The following COG8 variants were observed in gnomAD, a reference collection of about 807,000 sequenced individuals.
COG8 encodes the protein component of oligomeric golgi complex 8.
Under a neutral mutation model 46.5 loss-of-function variants are expected in COG8, and 45 were observed. That is an observed-to-expected ratio of 0.97 (90% CI 0.76 to 1.24). COG8 has a LOEUF of 1.24. Ranked by LOEUF, COG8 falls within the 50% of genes most tolerant of loss-of-function variation. The pLI is 0.00. For synonymous variants in COG8, 407 were observed against 347.8 expected, an observed-to-expected ratio of 1.17 and a Z score of -1.90; for missense variants, 793 against 820.8, an observed-to-expected ratio of 0.97 and a Z score of 0.41.
chr16:69,339,359 G>A lies in COG8; in HGVS notation c.194C>T (p.Pro65Leu), dbSNP rs1386191012. 1.9e-6 allele frequency: 3 copies of A among 1,585,984 alleles called. No individual in the cohort carries two copies. The highest frequency in any genetic ancestry group is 1.8e-5 in the Admixed American group (1 of 55,842). Residue 65 changes from proline (P) to leucine (L), a missense_variant, in exon 1 of 6, where the codon CCC (proline) becomes CTC (leucine). Transcript: ENST00000306875. ...GSGLERLRRE[P>L]ERLAEERAQL... Reference sequence around the variant, plus strand: ...CGCCCGCTCCTCCGCCAGGCGCTCGGGCTCGCGCCGCAGCCGCTCCAGCCC... The same window carrying A: ...CGCCCGCTCCTCCGCCAGGCGCTCGAGCTCGCGCCGCAGCCGCTCCAGCCC...
chr16:69,333,900 G>A (rs1007242876), intron 3 of COG8, among the ~76,000 whole-genome samples: 10 of 152,216 alleles, frequency 6.6e-5, no homozygotes, highest in African/African-American at 2.4e-4. Flanking sequence ...TGTAATTAAA[G>A]TCCCTAATCA....
chr16:69,334,981 C>A lies in COG8; in HGVS notation c.953G>T (p.Trp318Leu). 1.2e-6 allele frequency: 2 copies of A among 1,614,176 alleles called. No homozygotes were observed. Among genetic ancestry groups the A allele is most frequent in the Non-Finnish European group, 8.5e-7 (1 of 1,180,034 alleles). ...GAATTGTGAGACCTTCTGTAGCACCCAGCCATGGAAGATGGCACTCTCATT... is the reference window on the plus strand; with the variant it reads ...GAATTGTGAGACCTTCTGTAGCACCAAGCCATGGAAGATGGCACTCTCATT... ...TVNESAIFHG[W>L]VLQKVSQFLQ... Residue 318 changes from tryptophan (W) to leucine (L), a missense_variant, in exon 3 of 6, where the codon TGG becomes TTG. Coordinates refer to ENST00000306875, the MANE Select transcript of COG8 (RefSeq NM_032382.5).
At chr16:69,331,453 CAAAAA>C (rs1185929938) in intron 4 of COG8, among the ~76,000 whole-genome samples, 1,392 of 61,118 alleles carry the variant, frequency 0.023, 14 homozygotes, top group African/African-American at 0.074. Context: ...AACTCCGTCT[CAAAAA>C]AAAAAAAAAA....
At position 69,327,527 on chromosome 16, in the gene COG8, G is replaced by A. The variant is rs545765480; in HGVS notation, c.*1679C>T. 6.6e-6 allele frequency: 1 copy of A among 151,960 alleles called. No homozygotes were observed. The highest frequency in any genetic ancestry group is 1.5e-5 in the Non-Finnish European group (1 of 67,988). The allele number at this position is 151,960 out of a possible 1,614,324, so 9.4% of individuals were successfully genotyped here. A position where few individuals can be genotyped will look rare whatever the true frequency, so the allele number is the denominator to read the frequency against. ...CCAGTTTGCTTCTGCTTGGCCTCATGGGGCCTCAGAGAAAGCCACAAAGGA... is the reference window on the plus strand; with the variant it reads ...CCAGTTTGCTTCTGCTTGGCCTCATAGGGCCTCAGAGAAAGCCACAAAGGA... On this transcript the variant is annotated 3_prime_UTR_variant, in exon 6 of 6. Coordinates refer to ENST00000306875, the MANE Select transcript of COG8 (RefSeq NM_032382.5).
chr16:69,332,936 G>T, intron 3 of COG8, 54 bp from the exon 4 acceptor site: 1 of 1,588,328 alleles, frequency 6.3e-7, no homozygotes, highest in Admixed American at 1.7e-5. Flanking sequence ...CACTGGGACA[G>T]CAGTGCATGA....
rs1208356336 is a variant in COG8, at chr16:69,330,326, ACCG to A, written c.*26+484_*26+486del. The A allele has an allele frequency of 1.4e-5, 20 of 1,449,820 alleles. No homozygotes were observed. In the East Asian group the frequency reaches 6.1e-4, roughly 44 times the overall value. The allele number at this position is 1,449,820 out of a possible 1,614,324, so 89.8% of individuals were successfully genotyped here. A position where few individuals can be genotyped will look rare whatever the true frequency, so the allele number is the denominator to read the frequency against. ...GGGCCCGCCTAGCTGCGCCCGCTCC[ACCG>A]GGGCCGCCACGCCGCGCAGCACCGG... On this transcript the variant is annotated intron_variant, in intron 5 of 5. Transcript: ENST00000306875.
chr16:69,336,620 T>G lies in COG8; in HGVS notation c.470A>C (p.Glu157Ala). Reference protein sequence around the residue: ...NRHTEILEILEIPQLMDTCVR... With the variant: ...NRHTEILEILAIPQLMDTCVR... The stretch of plus-strand genomic sequence containing the variant: ...ACAGGTGTCCATGAGCTGAGGAATC[T>G]CCAGTATTTCCAAAATTTCTGTGTG... Residue 157 changes from glutamate (E) to alanine (A), a missense_variant, in exon 2 of 6, where the codon GAG (glutamate) becomes GCG (alanine). Glu to Ala is a moderately radical substitution (Grantham distance 107). Transcript: ENST00000306875. The G allele has an allele frequency of 6.2e-7, 1 of 1,614,162 alleles. No individual in the cohort carries two copies. Among genetic ancestry groups the G allele is most frequent in the Non-Finnish European group, 8.5e-7 (1 of 1,180,020 alleles).
intron 3 of COG8, 43 bp downstream of exon 3, chr16:69,334,478 A>G (rs369402479): frequency 9.6e-6 from 15 of 1,558,416 alleles, no homozygotes; most frequent in Non-Finnish European, 1.3e-5. Context: ...ACCCATTACC[A>G]GAGAAGGCCC....
chr16:69,332,315 A>T (rs954116235), intron 4 of COG8, among the ~76,000 whole-genome samples: 1 of 151,652 alleles, frequency 6.6e-6, no homozygotes, highest in South Asian at 2.1e-4. Flanking sequence ...GTGCCACTGC[A>T]CTCCAGCCTG....
intron 3 of COG8, 37 bp from the exon 4 acceptor site, chr16:69,332,919 CTATCACCACTGGGACAGCA>C: frequency 1.2e-6 from 2 of 1,609,856 alleles, no homozygotes; most frequent in Non-Finnish European, 1.7e-6. Context: ...CTGGGACAGC[CTATCACCACTGGGACAGCA>C]GTGCATGAAA....
Position 69,328,813 on chromosome 16 carries a change from T to G in COG8, c.*393A>C. 1 of 615,102 alleles carries G rather than the reference T, an allele frequency of 1.6e-6. No homozygotes were observed. Among genetic ancestry groups the G allele is most frequent in the Middle Eastern group, 3.8e-4 (1 of 2,612 alleles). The allele number at this position is 615,102 out of a possible 1,614,324, so 38.1% of individuals were successfully genotyped here. A position where few individuals can be genotyped will look rare whatever the true frequency, so the allele number is the denominator to read the frequency against. ...TCCACTCCTTTGGGGGTGATTTTTC[T>G]CCTCAAGTTGTAGCCAACATTTTGT... On this transcript the variant is annotated 3_prime_UTR_variant, in exon 6 of 6. Coordinates refer to ENST00000306875, the MANE Select transcript of COG8 (RefSeq NM_032382.5).
intron 3 of COG8, 110 bp downstream of exon 3, chr16:69,334,411 A>G: frequency 1.0e-6 from 1 of 981,168 alleles, no homozygotes; most frequent in East Asian, 2.6e-5. Context: ...ACCACACTAG[A>G]CCTCTCCATG....
In COG8 at chr16:69,331,453, C is replaced by CAA. The variant is rs1185929938; in HGVS notation, c.1583-360_1583-359dup. ...GGGCCACAAGAGCAAAACTCCGTCT[C>CAA]AAAAAAAAAAAAAAAAAAAAAAAAG... is the stretch of plus-strand genomic sequence containing the variant. On this transcript the variant is annotated intron_variant, in intron 4 of 5. Coordinates refer to ENST00000306875, the MANE Select transcript of COG8 (RefSeq NM_032382.5). Among the ~76,000 whole-genome samples the CAA allele has an allele frequency of 7.5e-3, 445 of 59,632 alleles. 1 individual carries two copies. Among genetic ancestry groups the CAA allele is most frequent in the East Asian group, 0.019 (28 of 1,494 alleles). 39.1% of individuals were successfully genotyped at this position (59,632 alleles called of 152,430 possible).
chr16:69,330,762 C>A lies in COG8; in HGVS notation c.*26+51G>T, dbSNP rs922515718. ...TCCCGCCTCCCGAACCCGCCCCGGACCTTCCAGGGCGAGGCAGTCCTGGCC... is the reference window on the plus strand; with the variant it reads ...TCCCGCCTCCCGAACCCGCCCCGGAACTTCCAGGGCGAGGCAGTCCTGGCC... On this transcript the variant is annotated intron_variant, in intron 5 of 5. Coordinates refer to ENST00000306875, the MANE Select transcript of COG8 (RefSeq NM_032382.5). 2.7e-6 allele frequency: 4 copies of A among 1,458,002 alleles called. No homozygotes were observed. The African/African-American group carries it at 5.7e-5, about 21-fold the overall frequency. The allele number at this position is 1,458,002 out of a possible 1,614,324, so 90.3% of individuals were successfully genotyped here.
chr16:69,329,120 T>C lies in COG8; in HGVS notation c.*86A>G, dbSNP rs762428957. 4.3e-6 allele frequency: 7 copies of C among 1,610,450 alleles called. No homozygotes were observed. The South Asian group carries it at 6.6e-5, about 15-fold the overall frequency. On this transcript the variant is annotated 3_prime_UTR_variant, in exon 6 of 6. Coordinates refer to ENST00000306875, the MANE Select transcript of COG8 (RefSeq NM_032382.5). ...TGCAGGTGGTCCATCTCGTGCTGGA[T>C]GATGCGGGCTGCCCACCCGCTCGCC...
chr16:69,334,220 A>G (rs2012055852), intron 3 of COG8, among the ~76,000 whole-genome samples: 1 of 152,208 alleles, frequency 6.6e-6, no homozygotes, highest in African/African-American at 2.4e-5. Flanking sequence ...TGACCCACCA[A>G]AACTGGAAGG....
rs564020270 is a variant in COG8, at chr16:69,328,632, G to A, written c.*574C>T. 165 of 206,904 alleles carry A rather than the reference G, an allele frequency of 8.0e-4. 1 individual carries two copies. The highest frequency in any genetic ancestry group is 7.2e-3 in the Middle Eastern group (4 of 554). The allele number at this position is 206,904 out of a possible 1,614,324, so 12.8% of individuals were successfully genotyped here. The stretch of plus-strand genomic sequence containing the variant: ...ACTCGGCACAAATGGCCAGTCACAT[G>A]CTTACCTGCATTTTTAAAGACAGCT... On this transcript the variant is annotated 3_prime_UTR_variant, in exon 6 of 6. Coordinates refer to ENST00000306875, the MANE Select transcript of COG8 (RefSeq NM_032382.5).
Position 69,334,751 on chromosome 16 carries a change from T to G in COG8, c.1183A>C (p.Asn395His), listed in dbSNP as rs1288956717. The change falls in exon 3 of 6, where the codon AAC (asparagine) becomes CAC (histidine). Residue 395 changes from asparagine (N) to histidine (H), a missense_variant. By Grantham distance (68) the Asn-to-His change is moderately conservative (BLOSUM62 1). Coordinates refer to ENST00000306875, the MANE Select transcript of COG8 (RefSeq NM_032382.5). ...ETVEKFQEEM[N>H]SYMLISAPAI... ...GGAGCCGAGATGAGCATGTAGGAGT[T>G]CATTTCTTCCTGGAATTTCTCCACT... 2 of 1,614,138 alleles carry G rather than the reference T, an allele frequency of 1.2e-6. No homozygotes were observed. Among genetic ancestry groups the G allele is most frequent in the Admixed American group, 3.3e-5 (2 of 60,024 alleles).
chr16:69,329,922 C>G, intron 5 of COG8: 1 of 1,444,048 alleles, frequency 6.9e-7, no homozygotes, highest in Non-Finnish European at 9.1e-7. Context: ...ACCGCGACCA[C>G]TTCTGCGCTC....
Sources: allele counts gnomAD v4.1 joint callset (sites outside exome capture counted in the v4.1 genomes callset), GRCh38; gene constraint gnomAD v4.1.1; transcripts MANE v1.5; gene names NCBI Gene and HGNC (gene_info 2026-07-23, HGNC 2026-07-21).